Variants in ATXN1L observed in about 807,000 individuals in gnomAD.
ATXN1L encodes ataxin 1 like, also known as ataxin-1-like.
Under a neutral mutation model 43.4 loss-of-function variants are expected in ATXN1L, and 8 were observed. The observed-to-expected ratio is 0.18, with a 90% CI of 0.11 to 0.33. The LOEUF (loss-of-function observed/expected upper bound fraction) is 0.33, where lower values mean the gene tolerates loss of function less well. ATXN1L is among the 10% of genes least tolerant of loss of function. The pLI, the probability that ATXN1L is intolerant of heterozygous loss-of-function variation, is 1.00. For missense variants in ATXN1L, 856 were observed against 885.4 expected (o/e 0.97, Z 0.42); for synonymous variants, 379 against 360.6 (o/e 1.05, Z -0.58).
chr16:71,850,522 C>A lies in ATXN1L; in HGVS notation c.782C>A (p.Ser261Tyr). ...SPVLTPQESQ[S>Y]ALEAAAANGG... ...GTTCTTACCCCTCAGGAGAGCCAGT[C>A]TGCTCTGGAAGCAGCTGCTGCAAAT... The change falls in exon 3 of 3, where the codon TCT becomes TAT. Residue 261 changes from serine to tyrosine, a missense_variant. This residue lies in a region of ATXN1L where 490 missense variants were observed against 449.4 expected (regional missense o/e 1.09). Transcript: ENST00000427980. The A allele has an allele frequency of 1.9e-6, 3 of 1,551,736 alleles. No individual in the cohort carries two copies. The highest frequency in any genetic ancestry group is 2.6e-6 in the Non-Finnish European group (3 of 1,147,008).
chr16:71,854,162 T>C lies in ATXN1L; in HGVS notation c.*2352T>C, dbSNP rs1382447462. On this transcript the variant is annotated 3_prime_UTR_variant, in exon 3 of 3. Transcript: ENST00000427980. ...TTAGTGACATGTACACAGTAGATGCTCAAGCAGTGTCTGCAAGGACACAAG... is the reference window on the plus strand; with the variant it reads ...TTAGTGACATGTACACAGTAGATGCCCAAGCAGTGTCTGCAAGGACACAAG... 6.0e-6 allele frequency: 1 copy of C among 167,064 alleles called. No individual in the cohort carries two copies. Among genetic ancestry groups the C allele is most frequent in the East Asian group, 1.9e-4 (1 of 5,198 alleles). The allele number at this position is 167,064 out of a possible 1,614,324, so 10.3% of individuals were successfully genotyped here. A position where few individuals can be genotyped will look rare whatever the true frequency, so the allele number is the denominator to read the frequency against.
rs369031333 is a variant in ATXN1L, at chr16:71,850,330, C to T, written c.590C>T (p.Ser197Leu). ...CCACAGGCTCCCTCCCCGGCCCACTCATTTAACAAAGCTCCCTCTGCCACC... is the reference window on the plus strand; with the variant it reads ...CCACAGGCTCCCTCCCCGGCCCACTTATTTAACAAAGCTCCCTCTGCCACC... Reference protein sequence around the residue: ...PPPQAPSPAHSFNKAPSATSP... With the variant: ...PPPQAPSPAHLFNKAPSATSP... Residue 197 changes from serine (S) to leucine (L), a missense_variant, in exon 3 of 3, where the codon TCA (serine) becomes TTA (leucine). Physicochemically the swap from Ser to Leu is moderately radical, Grantham distance 145. Coordinates refer to ENST00000427980, the MANE Select transcript of ATXN1L (RefSeq NM_001137675.4). 31 of 1,551,646 alleles carry T rather than the reference C, an allele frequency of 2.0e-5. No homozygotes were observed. The Admixed American group carries it at 2.7e-4, about 14-fold the overall frequency.
In ATXN1L at chr16:71,850,772, A is replaced by G; in HGVS notation, c.1032A>G (p.Leu344=). The G allele has an allele frequency of 6.4e-7, 1 of 1,551,660 alleles. No homozygotes were observed. The highest frequency in any genetic ancestry group is 1.2e-5 in the South Asian group (1 of 84,062). ...DLEVQRVVGA[L]ASQDYRVVAA... ...AGGTCCAGCGGGTGGTTGGCGCTTT[A>G]GCTTCTCAGGACTATCGTGTGGTGG... The change falls in exon 3 of 3, where the codon TTA becomes TTG. Residue 344 remains leucine, a synonymous_variant. Transcript: ENST00000427980.
rs1274937222 is a variant in ATXN1L, at chr16:71,848,989, C to T, written c.-117-635C>T. Among the ~76,000 whole-genome samples, 11 of 151,786 alleles carry T rather than the reference C, an allele frequency of 7.2e-5. 1 individual carries two copies. Among genetic ancestry groups the T allele is most frequent in the Admixed American group, 7.2e-4 (11 of 15,250 alleles). ...CAGCACTTTGGGAGGCTGAGGTGGGCGGATCACCCAAGGGCAGGCGTTCGA... is the reference window on the plus strand; with the variant it reads ...CAGCACTTTGGGAGGCTGAGGTGGGTGGATCACCCAAGGGCAGGCGTTCGA... On this transcript the variant is annotated intron_variant, in intron 2 of 2. Coordinates refer to ENST00000427980, the MANE Select transcript of ATXN1L (RefSeq NM_001137675.4).
rs2033512053 is a variant in ATXN1L at position 71,852,272 on chromosome 16, A to G, written c.*462A>G. 6.0e-6 allele frequency: 1 copy of G among 167,502 alleles called. No individual in the cohort carries two copies. Among genetic ancestry groups the G allele is most frequent in the Non-Finnish European group, 1.5e-5 (1 of 68,438 alleles). The allele number at this position is 167,502 out of a possible 1,614,324, so 10.4% of individuals were successfully genotyped here. The stretch of plus-strand genomic sequence containing the variant: ...TGTGGTAGAAGGGCAGGAGGCCCCA[A>G]GGTTGGAAATAAGAGGGTTCCCACC... On this transcript the variant is annotated 3_prime_UTR_variant, in exon 3 of 3. Coordinates refer to ENST00000427980, the MANE Select transcript of ATXN1L (RefSeq NM_001137675.4).
In ATXN1L at chr16:71,851,223, C is replaced by T. The variant is rs1313192823; in HGVS notation, c.1483C>T (p.Arg495Cys). ...GGACCTCCAGACCCAGGATTTTGTG[C>T]GCAGTGCCGAAGTGAGCGGGGGGCT... ...VEDLQTQDFV[R>C]SAEVSGGLKI... is the part of the protein sequence containing the mutation. Residue 495 changes from arginine (R) to cysteine (C), a missense_variant, in exon 3 of 3, where the codon CGC becomes TGC. Physicochemically the swap from Arg to Cys is radical, Grantham distance 180. Transcript: ENST00000427980. The surrounding 1 kb of genome is among the most constrained non-coding windows in gnomAD (Gnocchi z 4.9). 1.4e-5 allele frequency: 22 copies of T among 1,551,636 alleles called. No homozygotes were observed. The highest frequency in any genetic ancestry group is 1.8e-5 in the Non-Finnish European group (21 of 1,146,978).
rs758226109 is a variant in ATXN1L, at chr16:71,850,340, A to C, written c.600A>C (p.Lys200Asn). ...CCTCCCCGGCCCACTCATTTAACAAAGCTCCCTCTGCCACCTCCCCATCTG... is the reference window on the plus strand; with the variant it reads ...CCTCCCCGGCCCACTCATTTAACAACGCTCCCTCTGCCACCTCCCCATCTG... ...QAPSPAHSFN[K>N]APSATSPSGQ... The change falls in exon 3 of 3, where the codon AAA (lysine) becomes AAC (asparagine). Residue 200 changes from lysine (K) to asparagine (N), a missense_variant. Lys to Asn is a moderately conservative substitution (Grantham distance 94). Transcript: ENST00000427980. 1 of 1,551,600 alleles carries C rather than the reference A, an allele frequency of 6.4e-7. No individual in the cohort carries two copies. Among genetic ancestry groups the C allele is most frequent in the Non-Finnish European group, 8.7e-7 (1 of 1,146,978 alleles).
At chr16:71,848,341 A>G (rs971755118) in intron 2 of ATXN1L, 1 of 247,564 alleles carries the variant, frequency 4.0e-6, no homozygotes, top group Non-Finnish European at 8.2e-6. Context: ...GGGGAAAAAA[A>G]CAGGCATGTT....
chr16:71,850,123 A>G lies in ATXN1L; in HGVS notation c.383A>G (p.His128Arg), dbSNP rs1280202357. 2 of 1,551,626 alleles carry G rather than the reference A, an allele frequency of 1.3e-6. No homozygotes were observed. The highest frequency in any genetic ancestry group is 8.7e-7 in the Non-Finnish European group (1 of 1,146,972). ...QHPGIHYPPL[H>R]YAQLPSTSLQ... is the part of the protein sequence containing the mutation. ...CCAGGCATCCACTATCCTCCACTCC[A>G]CTATGCTCAGCTCCCATCCACCTCG... is the stretch of plus-strand genomic sequence containing the variant. The change falls in exon 3 of 3, where the codon CAC becomes CGC. Residue 128 changes from histidine to arginine, a missense_variant. His to Arg is a conservative substitution (Grantham distance 29). This residue lies in a region of ATXN1L where 490 missense variants were observed against 449.4 expected (regional missense o/e 1.09). Coordinates refer to ENST00000427980, the MANE Select transcript of ATXN1L (RefSeq NM_001137675.4).
Position 71,850,454 on chromosome 16 carries a change from T to C in ATXN1L, c.714T>C (p.Ala238=). 6.4e-7 allele frequency: 1 copy of C among 1,551,748 alleles called. No individual in the cohort carries two copies. The highest frequency in any genetic ancestry group is 1.2e-5 in the South Asian group (1 of 84,068). The change falls in exon 3 of 3, where the codon GCT becomes GCC. Residue 238 remains alanine (A), a synonymous_variant. Transcript: ENST00000427980. ...ATTATCAGATGTCCAGGCTACCTGC[T>C]GGGTATACTTTGCATGAAACCCCTC... is the stretch of plus-strand genomic sequence containing the variant. ...PIYYQMSRLP[A]GYTLHETPPA...
In ATXN1L at chr16:71,851,957, C is replaced by A; in HGVS notation, c.*147C>A. 2 of 929,818 alleles carry A rather than the reference C, an allele frequency of 2.2e-6. No individual in the cohort carries two copies. The highest frequency in any genetic ancestry group is 3.0e-6 in the Non-Finnish European group (2 of 668,740). 57.6% of individuals were successfully genotyped at this position (929,818 alleles called of 1,614,324 possible). A position where few individuals can be genotyped will look rare whatever the true frequency, so the allele number is the denominator to read the frequency against. ...AAGGGGAGGCATGAAGTCAGCCTCC[C>A]AAGGCAGGATCTGTTGTTCATTACC... On this transcript the variant is annotated 3_prime_UTR_variant, in exon 3 of 3. Coordinates refer to ENST00000427980, the MANE Select transcript of ATXN1L (RefSeq NM_001137675.4). This position sits in a 1 kb window ranked among gnomAD's most constrained non-coding sequence, Gnocchi z 4.9.
chr16:71,851,280 C>G lies in ATXN1L; in HGVS notation c.1540C>G (p.Gln514Glu). 2.6e-6 allele frequency: 4 copies of G among 1,551,634 alleles called. No individual in the cohort carries two copies. The highest frequency in any genetic ancestry group is 3.5e-6 in the Non-Finnish European group (4 of 1,146,982). Residue 514 changes from glutamine (Q) to glutamate (E), a missense_variant, in exon 3 of 3, where the codon CAG (glutamine) becomes GAG (glutamate). Transcript: ENST00000427980. The surrounding 1 kb of genome is among the most constrained non-coding windows in gnomAD (Gnocchi z 4.9). ...KIDSSTVVDI[Q>E]ESQWPGFVML... Reference sequence around the variant, plus strand: ...TGACTCTAGCACGGTCGTGGACATTCAGGAGAGCCAATGGCCTGGATTTGT... The same window carrying G: ...TGACTCTAGCACGGTCGTGGACATTGAGGAGAGCCAATGGCCTGGATTTGT...
Position 71,851,823 on chromosome 16 carries a change from G to C in ATXN1L, c.*13G>C. The C allele has an allele frequency of 7.0e-7, 1 of 1,424,988 alleles. No homozygotes were observed. The highest frequency in any genetic ancestry group is 9.2e-7 in the Non-Finnish European group (1 of 1,084,306). 88.3% of individuals were successfully genotyped at this position (1,424,988 alleles called of 1,614,324 possible). On this transcript the variant is annotated 3_prime_UTR_variant, in exon 3 of 3. Coordinates refer to ENST00000427980, the MANE Select transcript of ATXN1L (RefSeq NM_001137675.4). The surrounding 1 kb of genome is among the most constrained non-coding windows in gnomAD (Gnocchi z 4.9). ...TGCGGGAAAATGAACCTCTTCCCCAGACCAGGACTGGGGCTTTACCCCAGA... is the reference window on the plus strand; with the variant it reads ...TGCGGGAAAATGAACCTCTTCCCCACACCAGGACTGGGGCTTTACCCCAGA...
Position 71,853,654 on chromosome 16 carries a change from G to C in ATXN1L, c.*1844G>C, listed in dbSNP as rs1247565232. ...ATAAATAATCTTACCTACCTCCTGG[G>C]GGGAGGGGAAGTTCTGAGAATGGAG... On this transcript the variant is annotated 3_prime_UTR_variant, in exon 3 of 3. Transcript: ENST00000427980. 1 of 166,986 alleles carries C rather than the reference G, an allele frequency of 6.0e-6. No individual in the cohort carries two copies. The highest frequency in any genetic ancestry group is 2.4e-5 in the African/African-American group (1 of 41,432). 10.3% of individuals were successfully genotyped at this position (166,986 alleles called of 1,614,324 possible). A position where few individuals can be genotyped will look rare whatever the true frequency, so the allele number is the denominator to read the frequency against.
In ATXN1L at chr16:71,850,309, A is replaced by C. The variant is rs2033484827; in HGVS notation, c.569A>C (p.Gln190Pro). Reference protein sequence around the residue: ...LLAEGATPPPQAPSPAHSFNK... With the variant: ...LLAEGATPPPPAPSPAHSFNK... ...GCTGAAGGAGCCACTCCTCCCCCAC[A>C]GGCTCCCTCCCCGGCCCACTCATTT... The change falls in exon 3 of 3, where the codon CAG (glutamine) becomes CCG (proline). Residue 190 changes from glutamine to proline, a missense_variant. This residue lies in a region of ATXN1L where 490 missense variants were observed against 449.4 expected (regional missense o/e 1.09). Coordinates refer to ENST00000427980, the MANE Select transcript of ATXN1L (RefSeq NM_001137675.4). 3.2e-6 allele frequency: 5 copies of C among 1,551,298 alleles called. No homozygotes were observed. The South Asian group carries it at 5.9e-5, about 18-fold the overall frequency.
In ATXN1L at chr16:71,850,207, C is replaced by T. The variant is rs1223386036; in HGVS notation, c.467C>T (p.Pro156Leu). ...TATGCTGTGCCACCTAATTTCCTAC[C>T]GAGTCCCCTCCTATCTCCTTCTGCC... ...LPYAVPPNFL[P>L]SPLLSPSANL... Residue 156 changes from proline to leucine, a missense_variant, in exon 3 of 3, where the codon CCG becomes CTG. Coordinates refer to ENST00000427980, the MANE Select transcript of ATXN1L (RefSeq NM_001137675.4). 12 of 1,551,570 alleles carry T rather than the reference C, an allele frequency of 7.7e-6. No individual in the cohort carries two copies. Among genetic ancestry groups the T allele is most frequent in the Non-Finnish European group, 9.6e-6 (11 of 1,146,986 alleles).
chr16:71,850,684 C>G lies in ATXN1L; in HGVS notation c.944C>G (p.Ser315Cys). ...CVVDGQLFSG[S>C]QTPRVEVAAP... Reference sequence around the variant, plus strand: ...GTGGATGGACAGTTGTTTTCAGGTTCTCAGACTCCACGGGTAGAGGTAGCA... The same window carrying G: ...GTGGATGGACAGTTGTTTTCAGGTTGTCAGACTCCACGGGTAGAGGTAGCA... The change falls in exon 3 of 3, where the codon TCT becomes TGT. Residue 315 changes from serine to cysteine, a missense_variant. Physicochemically the swap from Ser to Cys is moderately radical, Grantham distance 112 (BLOSUM62 -1). Transcript: ENST00000427980. The G allele has an allele frequency of 6.4e-7, 1 of 1,551,702 alleles. No homozygotes were observed. The highest frequency in any genetic ancestry group is 8.7e-7 in the Non-Finnish European group (1 of 1,146,996).
rs1211477563 is a variant in ATXN1L at position 71,850,864 on chromosome 16, A to C, written c.1124A>C (p.Glu375Ala). Residue 375 changes from glutamate (E) to alanine (A), a missense_variant, in exon 3 of 3, where the codon GAG (glutamate) becomes GCG (alanine). Coordinates refer to ENST00000427980, the MANE Select transcript of ATXN1L (RefSeq NM_001137675.4). ...CATCATACCCCCGACCATCAGGGTG[A>C]GGGGCGAGGGTCAGCCAGGAACCCT... ...LSHHTPDHQG[E>A]GRGSARNPAE... is the part of the protein sequence containing the mutation. 1.3e-6 allele frequency: 2 copies of C among 1,551,712 alleles called. No individual in the cohort carries two copies. Among genetic ancestry groups the C allele is most frequent in the Admixed American group, 3.9e-5 (2 of 51,000 alleles).
Position 71,851,348 on chromosome 16 carries a change from C to T in ATXN1L, c.1608C>T (p.Ser536=), listed in dbSNP as rs2033500184. The part of the protein sequence containing the change: ...FVVGEQQSKV[S]IEVPPEHPFF... Reference sequence around the variant, plus strand: ...TTGGTGAGCAGCAGAGCAAAGTGAGCATCGAAGTGCCCCCCGAGCACCCCT... The same window carrying T: ...TTGGTGAGCAGCAGAGCAAAGTGAGTATCGAAGTGCCCCCCGAGCACCCCT... Residue 536 remains serine, a synonymous_variant, in exon 3 of 3, where the codon AGC becomes AGT. Transcript: ENST00000427980. The surrounding 1 kb of genome is among the most constrained non-coding windows in gnomAD (Gnocchi z 4.9). The T allele has an allele frequency of 6.4e-7, 1 of 1,551,674 alleles. No homozygotes were observed. Among genetic ancestry groups the T allele is most frequent in the Non-Finnish European group, 8.7e-7 (1 of 1,146,992 alleles).
Sources: allele counts gnomAD v4.1 joint callset (sites outside exome capture counted in the v4.1 genomes callset), GRCh38; gene constraint gnomAD v4.1.1; regional missense constraint gnomAD v4.1.1; non-coding constraint Gnocchi (gnomAD v3.1); transcripts MANE v1.5; gene names NCBI Gene and HGNC (gene_info 2026-07-23, HGNC 2026-07-21).